BRCA2: variants seen among roughly 807,000 people sequenced by gnomAD.
The protein encoded by BRCA2 is BRCA2 DNA repair associated, also known as breast cancer type 2 susceptibility protein.
Under a neutral mutation model 276.7 loss-of-function variants are expected in BRCA2, and 203 were observed. That is an observed-to-expected ratio of 0.73 (90% CI 0.65 to 0.82). The LOEUF (loss-of-function observed/expected upper bound fraction) is 0.82. Among genes scored for constraint, BRCA2 ranks in the 40% least tolerant of loss-of-function variants. BRCA2 has a pLI of 0.00. For synonymous variants in BRCA2, 1,289 were observed against 1,338.4 expected, an observed-to-expected ratio of 0.96 and a Z score of 0.81; for missense variants, 3,920 against 3,915.0, an observed-to-expected ratio of 1.00 and a Z score of -0.03.
chr13:32,361,643 G>C (rs2072738299), intron 16 of BRCA2, among the ~76,000 whole-genome samples: 1 of 152,184 alleles, frequency 6.6e-6, no homozygotes, highest in Admixed American at 6.5e-5. Context: ...GGCAGCAAGG[G>C]GTAGGAGCTA....
intron 24 of BRCA2, among the ~76,000 whole-genome samples, chr13:32,392,526 G>A (rs2137647742): frequency 6.6e-6 from 1 of 151,980 alleles, no homozygotes; most frequent in South Asian, 2.1e-4. Flanking sequence ...GGAGGCGGGG[G>A]CTGCGGTGAC....
At chr13:32,395,059 A>T in intron 25 of BRCA2, 126 bp downstream of exon 25, 1 of 1,335,472 alleles carries the variant, frequency 7.5e-7, no homozygotes, top group Non-Finnish European at 1.0e-6. Flanking sequence ...GTTTAATCAT[A>T]TATTAATTGC....
In BRCA2 at chr13:32,316,387, C is replaced by T. The variant is rs983123559; in HGVS notation, c.-39-35C>T. ...TCAGTCACATAATAAGGAATGCATCCCTGTGTAAGTGCATTTTGGTCTTCT... is the reference window on the plus strand; with the variant it reads ...TCAGTCACATAATAAGGAATGCATCTCTGTGTAAGTGCATTTTGGTCTTCT... On this transcript the variant is annotated intron_variant, in intron 1 of 26. Transcript: ENST00000380152. The T allele has an allele frequency of 2.5e-5, 32 of 1,283,042 alleles. No individual in the cohort carries two copies. The East Asian group carries it at 7.5e-4, about 30-fold the overall frequency. The allele number at this position is 1,283,042 out of a possible 1,614,324, so 79.5% of individuals were successfully genotyped here. A position where few individuals can be genotyped will look rare whatever the true frequency, so the allele number is the denominator to read the frequency against.
At chr13:32,341,773 C>A (rs954266543) in intron 11 of BRCA2, among the ~76,000 whole-genome samples, 1 of 150,354 alleles carries the variant, frequency 6.7e-6, no homozygotes, top group African/African-American at 2.4e-5. Flanking sequence ...GAGGCTGAGG[C>A]AGGAGAATGG....
chr13:32,361,470 G>A (rs896179273), intron 16 of BRCA2, among the ~76,000 whole-genome samples: 2 of 152,164 alleles, frequency 1.3e-5, no homozygotes, highest in African/African-American at 4.8e-5. Flanking sequence ...AGCAGAGAGA[G>A]GGACATTGCT....
rs541906770 is a variant in BRCA2 at position 32,375,180 on chromosome 13, C to T, written c.8633-1490C>T. Among the ~76,000 whole-genome samples the T allele has an allele frequency of 3.9e-4, 60 of 152,330 alleles. No individual in the cohort carries two copies. The Middle Eastern group carries it at 0.01, about 26-fold the overall frequency. On this transcript the variant is annotated intron_variant, in intron 20 of 26. Coordinates refer to ENST00000380152, the MANE Select transcript of BRCA2 (RefSeq NM_000059.4). Reference sequence around the variant, plus strand: ...CTCCCACCAGGTCCGTCCCTCGACACGTGAGGATTACCGTTCAAGATGAGA... The same window carrying T: ...CTCCCACCAGGTCCGTCCCTCGACATGTGAGGATTACCGTTCAAGATGAGA...
intron 18 of BRCA2, 75 bp downstream of exon 18, chr13:32,363,608 T>A (rs2137583467): frequency 7.5e-7 from 1 of 1,329,840 alleles, no homozygotes; most frequent in Middle Eastern, 1.9e-4. Context: ...ATTTAAATTT[T>A]AAATGCTTAC....
chr13:32,332,065 CAG>C (rs1180590009), intron 9 of BRCA2, among the ~76,000 whole-genome samples: 1 of 152,088 alleles, frequency 6.6e-6, no homozygotes, highest in East Asian at 1.9e-4. Context: ...TCATTGGAAT[CAG>C]GGGAATCAGG....
At chr13:32,365,109 C>CTTTTTTTTT (rs57551462) in intron 18 of BRCA2, among the ~76,000 whole-genome samples, 3 of 64,480 alleles carry the variant, frequency 4.7e-5, no homozygotes, top group African/African-American at 6.5e-5. Context: ...GCAGTGCATT[C>CTTTTTTTTT]TTTTTTTTTT....
At position 32,337,521 on chromosome 13, in the gene BRCA2, CAAA is replaced by C. The variant is rs756083696; in HGVS notation, c.3168_3170del (p.Lys1058del). The C allele has an allele frequency of 6.2e-7, 1 of 1,607,714 alleles. No homozygotes were observed. Among genetic ancestry groups the C allele is most frequent in the African/African-American group, 1.3e-5 (1 of 74,678 alleles). On this transcript the variant is annotated inframe_deletion, in exon 11 of 27. Transcript: ENST00000380152. ...TGTAAATACCTTGGCATTAGATAAT[CAAA>C]AGAAACTGAGCAAGCCTCAGTCAAT...
At position 32,376,548 on chromosome 13, in the gene BRCA2, A is replaced by C. The variant is rs1464094342; in HGVS notation, c.8633-122A>C. 4.9e-6 allele frequency: 5 copies of C among 1,024,824 alleles called. No homozygotes were observed. In the African/African-American group the frequency reaches 6.6e-5, roughly 14 times the overall value. The allele number at this position is 1,024,824 out of a possible 1,614,324, so 63.5% of individuals were successfully genotyped here. ...AAAAAAAAAAAAAGAAAAAACTTTT[A>C]GCAGTTATATAGTTTCTTATCTTTA... On this transcript the variant is annotated intron_variant, in intron 20 of 26. Transcript: ENST00000380152.
intron 13 of BRCA2, among the ~76,000 whole-genome samples, chr13:32,353,934 G>A (rs2072669499): frequency 6.6e-6 from 1 of 152,160 alleles, no homozygotes; most frequent in Non-Finnish European, 1.5e-5. Context: ...AACCCTAGGA[G>A]AAAAATCGGG....
chr13:32,339,556 A>T lies in BRCA2; in HGVS notation c.5201A>T (p.Glu1734Val), dbSNP rs1200008651. ...IAENDKNHLSEKQDTYLSNSS... is the reference protein window; with the variant it reads ...IAENDKNHLSVKQDTYLSNSS... ...GAAAATGACAAAAATCATCTCTCCGAAAAACAAGATACTTATTTAAGTAAC... is the reference window on the plus strand; with the variant it reads ...GAAAATGACAAAAATCATCTCTCCGTAAAACAAGATACTTATTTAAGTAAC... The change falls in exon 11 of 27, where the codon GAA becomes GTA. Residue 1734 changes from glutamate to valine, a missense_variant. By Grantham distance (121) the Glu-to-Val change is moderately radical. Transcript: ENST00000380152. 1.2e-6 allele frequency: 2 copies of T among 1,608,010 alleles called. No individual in the cohort carries two copies. The highest frequency in any genetic ancestry group is 4.5e-5 in the East Asian group (2 of 44,806).
At chr13:32,357,419 T>G (rs2072705422) in intron 15 of BRCA2, among the ~76,000 whole-genome samples, 1 of 152,238 alleles carries the variant, frequency 6.6e-6, no homozygotes, top group African/African-American at 2.4e-5. Flanking sequence ...CCCTTTTGTT[T>G]CCCATCTAAG....
At chr13:32,387,685 C>T (rs111557747) in intron 24 of BRCA2, among the ~76,000 whole-genome samples, 43 of 152,332 alleles carry the variant, frequency 2.8e-4, no homozygotes, top group African/African-American at 9.6e-4. Flanking sequence ...TTATGCTTCT[C>T]CCGTACTCTT....
Position 32,333,095 on chromosome 13 carries a change from A to C in BRCA2, c.1617A>C (p.Gly539=), listed in dbSNP as rs1131692142. The C allele has an allele frequency of 1.9e-6, 3 of 1,613,004 alleles. No individual in the cohort carries two copies. The highest frequency in any genetic ancestry group is 2.5e-6 in the Non-Finnish European group (3 of 1,179,748). The change falls in exon 10 of 27, where the codon GGA becomes GGC. Residue 539 remains glycine, a synonymous_variant. Coordinates refer to ENST00000380152, the MANE Select transcript of BRCA2 (RefSeq NM_000059.4). ...FKKETEASES[G]LEIHTVCSQK... is the part of the protein sequence containing the mutation. Reference sequence around the variant, plus strand: ...AAGAAACTGAAGCCTCTGAAAGTGGACTGGAAATACATACTGTTTGCTCAC... The same window carrying C: ...AAGAAACTGAAGCCTCTGAAAGTGGCCTGGAAATACATACTGTTTGCTCAC...
chr13:32,339,421 C>A lies in BRCA2; in HGVS notation c.5066C>A (p.Ala1689Glu). The change falls in exon 11 of 27, where the codon GCA becomes GAA. Residue 1689 changes from alanine (A) to glutamate (E), a missense_variant. This residue lies in a region of BRCA2 where 3,263 missense variants were observed against 3,156.9 expected (regional missense o/e 1.03). Transcript: ENST00000380152. ...TSVSQTSLLE[A>E]KKWLREGIFD... is the part of the protein sequence containing the mutation. ...GTGAGTCAGACTTCATTACTTGAAG[C>A]AAAAAAATGGCTTAGAGAAGGAATA... 2 of 1,589,616 alleles carry A rather than the reference C, an allele frequency of 1.3e-6. No homozygotes were observed. The highest frequency in any genetic ancestry group is 1.8e-5 in the Admixed American group (1 of 54,894).
chr13:32,354,658 ATG>A, intron 13 of BRCA2, among the ~76,000 whole-genome samples: 1 of 152,120 alleles, frequency 6.6e-6, no homozygotes, highest in Non-Finnish European at 1.5e-5. Flanking sequence ...CTCTTCTATT[ATG>A]TGTTATGTGA....
intron 1 of BRCA2, 56 bp from the exon 2 acceptor site, chr13:32,316,366 T>A: frequency 9.0e-7 from 1 of 1,106,028 alleles, no homozygotes; most frequent in Non-Finnish European, 1.4e-6. Context: ...TTTACCTCAG[T>A]CACATAATAA....
Sources: allele counts gnomAD v4.1 joint callset (sites outside exome capture counted in the v4.1 genomes callset), GRCh38; gene constraint gnomAD v4.1.1; regional missense constraint gnomAD v4.1.1; transcripts MANE v1.5; gene names NCBI Gene and HGNC (gene_info 2026-07-23, HGNC 2026-07-21).